The following ABCG1 variants were observed in gnomAD, a reference collection of about 807,000 sequenced individuals.
ABCG1 encodes the protein ATP binding cassette subfamily G member 1.
ABCG1 carries 29 observed loss-of-function variants against 69.2 expected under a neutral mutation model. That is an observed-to-expected ratio of 0.42 (90% confidence interval 0.31 to 0.57). The LOEUF is 0.57. Among genes scored for constraint, ABCG1 ranks in the 20% least tolerant of loss-of-function variants. The pLI, the probability that ABCG1 is intolerant of heterozygous loss-of-function variation, is 0.15. For synonymous variants in ABCG1, 370 were observed against 374.8 expected (o/e 0.99, Z 0.15); for missense variants, 718 against 898.1 (o/e 0.80, Z 2.56).
At chr21:42,257,834 A>T (rs1414941667) in intron 2 of ABCG1, among the ~76,000 whole-genome samples, 1 of 152,164 alleles carries the variant, frequency 6.6e-6, no homozygotes. Context: ...GGCTTCATGA[A>T]GATCCTTCCC....
chr21:42,252,908 G>A (rs915775336), intron 2 of ABCG1, among the ~76,000 whole-genome samples: 2 of 152,178 alleles, frequency 1.3e-5, no homozygotes, highest in African/African-American at 4.8e-5. Context: ...GTGAGGTTCT[G>A]GTGCTGGGGA....
At chr21:42,259,550 T>C (rs1395999710) in intron 2 of ABCG1, 2 of 1,521,122 alleles carry the variant, frequency 1.3e-6, no homozygotes, top group Admixed American at 2.1e-5. Flanking sequence ...ATGTGGGCCC[T>C]CAGGCTATGG....
chr21:42,268,855 G>A (rs370218829), intron 2 of ABCG1, among the ~76,000 whole-genome samples: 1 of 152,154 alleles, frequency 6.6e-6, no homozygotes, highest in African/African-American at 2.4e-5. Context: ...TCCTGTTCCT[G>A]GGGTCCTGGG....
At chr21:42,216,109 C>T (rs1296349690), upstream of ABCG1, 2 of 450,286 alleles carry the variant, frequency 4.4e-6, no homozygotes, top group Non-Finnish European at 8.9e-6. Flanking sequence ...TGCACAAGCT[C>T]TCTCTCTTGT....
intron 5 of ABCG1, among the ~76,000 whole-genome samples, chr21:42,280,688 G>T (rs2068792541): frequency 6.6e-6 from 1 of 152,210 alleles, no homozygotes; most frequent in African/African-American, 2.4e-5. Context: ...CACCCACAGC[G>T]GCCTCCGCTT....
At chr21:42,281,603 T>C (rs1353690640) in intron 5 of ABCG1, among the ~76,000 whole-genome samples, 1 of 152,170 alleles carries the variant, frequency 6.6e-6, no homozygotes, top group Non-Finnish European at 1.5e-5. Flanking sequence ...GCAGATCTGT[T>C]TCGTTGCCTT....
intron 2 of ABCG1, among the ~76,000 whole-genome samples, chr21:42,207,852 T>C (rs2067555433): frequency 6.6e-6 from 1 of 152,202 alleles, no homozygotes. Flanking sequence ...GGGTGATGAG[T>C]ATCCTTGTTA....
chr21:42,256,325 C>T, intron 2 of ABCG1: 1 of 1,549,548 alleles, frequency 6.5e-7, no homozygotes, highest in South Asian at 1.2e-5. Context: ...AGAGGGTGGG[C>T]CCTCTCTGCT....
At chr21:42,264,219 G>A (rs2068462747) in intron 2 of ABCG1, among the ~76,000 whole-genome samples, 1 of 152,144 alleles carries the variant, frequency 6.6e-6, no homozygotes, top group Admixed American at 6.5e-5. Flanking sequence ...ACCGGAATTC[G>A]GGATGTCTGC....
chr21:42,244,745 T>C (rs2068106837), intron 2 of ABCG1, among the ~76,000 whole-genome samples: 1 of 152,220 alleles, frequency 6.6e-6, no homozygotes, highest in Admixed American at 6.5e-5. Context: ...CAGGGCTGTT[T>C]ACATGACATC....
intron 1 of ABCG1, among the ~76,000 whole-genome samples, chr21:42,223,765 A>G (rs7277707): frequency 6.6e-6 from 1 of 152,220 alleles, no homozygotes; most frequent in African/African-American, 2.4e-5. Context: ...GTGAGTGAGC[A>G]GATAGTGAGT....
intron 14 of ABCG1, 104 bp downstream of exon 14, chr21:42,294,764 C>A: frequency 1.9e-6 from 2 of 1,027,886 alleles, no homozygotes; most frequent in African/African-American, 1.6e-5. Flanking sequence ...GGCTGCTGGC[C>A]AAGAGCAGAT....
chr21:42,241,369 C>A (rs1012641214), intron 2 of ABCG1, among the ~76,000 whole-genome samples: 1 of 152,152 alleles, frequency 6.6e-6, no homozygotes, highest in African/African-American at 2.4e-5. Flanking sequence ...CTTTGGGAGG[C>A]TGAGGCGGGT....
Position 42,219,170 on chromosome 21 carries a change from G to A in ABCG1, c.-93G>A. 1 of 1,147,794 alleles carries A rather than the reference G, an allele frequency of 8.7e-7. No individual in the cohort carries two copies. The highest frequency in any genetic ancestry group is 1.1e-6 in the Non-Finnish European group (1 of 920,672). 71.1% of individuals were successfully genotyped at this position (1,147,794 alleles called of 1,614,324 possible). A position where few individuals can be genotyped will look rare whatever the true frequency, so the allele number is the denominator to read the frequency against. On this transcript the variant is annotated 5_prime_UTR_variant, in exon 1 of 15. Transcript: ENST00000398449. This position sits in a 1 kb window ranked among gnomAD's most constrained non-coding sequence, Gnocchi z 5.3. The stretch of plus-strand genomic sequence containing the variant: ...CCAAGCGCAGCCCGCACCCCGCGCA[G>A]CGGCTGAGCCGGGAGCCAGCGCAGC...
At chr21:42,277,539 GA>G (rs1302430297) in intron 5 of ABCG1, among the ~76,000 whole-genome samples, 1 of 152,104 alleles carries the variant, frequency 6.6e-6, no homozygotes, top group East Asian at 1.9e-4. Flanking sequence ...GGGAGCAGCA[GA>G]AAGCCACACA....
rs573257826 is a variant in ABCG1 at position 42,253,757 on chromosome 21, C to T, written c.287-17313C>T. Among the ~76,000 whole-genome samples the T allele has an allele frequency of 8.5e-5, 13 of 152,112 alleles. No individual in the cohort carries two copies. In the South Asian group the frequency reaches 1.7e-3, roughly 19 times the overall value. On this transcript the variant is annotated intron_variant, in intron 2 of 14. Coordinates refer to ENST00000398449, the MANE Select transcript of ABCG1 (RefSeq NM_016818.3). ...CCCTCTGTAGGACTGGGGGTGAGATCGATGGACCTGCCAGCTGTTATTGTT... is the reference window on the plus strand; with the variant it reads ...CCCTCTGTAGGACTGGGGGTGAGATTGATGGACCTGCCAGCTGTTATTGTT...
intron 2 of ABCG1, among the ~76,000 whole-genome samples, chr21:42,226,737 G>C (rs1490375076): frequency 1.3e-5 from 2 of 152,154 alleles, no homozygotes; most frequent in Non-Finnish European, 2.9e-5. Context: ...TGGGTTGGGG[G>C]AGCTGATAGG....
rs546766062 is a variant in ABCG1 at position 42,235,459 on chromosome 21, C to G, written c.286+9545C>G. On this transcript the variant is annotated intron_variant, in intron 2 of 14. Coordinates refer to ENST00000398449, the MANE Select transcript of ABCG1 (RefSeq NM_016818.3). ...TCCTGAGTGACCATGGCCCGTGACA[C>G]AGCCTCAGGAGACCAGGAGAACACG... Among the ~76,000 whole-genome samples the G allele has an allele frequency of 2.4e-4, 36 of 152,284 alleles. No individual in the cohort carries two copies. The South Asian group carries it at 6.6e-3, about 28-fold the overall frequency.
In ABCG1 at chr21:42,276,820, G is replaced by A; in HGVS notation, c.538-75G>A. ...ATCTTGGCTAGCTGCACCGTGGCCT[G>A]CAGTGCGGGCATGAGGCTCACACTG... On this transcript the variant is annotated intron_variant, in intron 4 of 14. Transcript: ENST00000398449. The surrounding 1 kb of genome is among the most constrained non-coding windows in gnomAD (Gnocchi z 5.3). 6.7e-7 allele frequency: 1 copy of A among 1,492,664 alleles called. No individual in the cohort carries two copies. Among genetic ancestry groups the A allele is most frequent in the Non-Finnish European group, 9.3e-7 (1 of 1,073,228 alleles). The allele number at this position is 1,492,664 out of a possible 1,614,324, so 92.5% of individuals were successfully genotyped here.
Sources: gnomAD v4.1 joint callset for allele counts (sites outside exome capture counted in the v4.1 genomes callset) on GRCh38, gnomAD v4.1.1 for gene constraint, Gnocchi (gnomAD v3.1) non-coding constraint, MANE v1.5 for transcripts, NCBI Gene and HGNC (gene_info 2026-07-23, HGNC 2026-07-21) for gene names.